Variants in SOAT1 observed in about 807,000 individuals in gnomAD.
The protein encoded by SOAT1 is sterol O-acyltransferase 1, also known as acyl-coenzyme A:cholesterol acyltransferase 1.
Under a neutral mutation model 69.5 loss-of-function variants are expected in SOAT1, and 55 were observed. The observed-to-expected ratio is 0.79, with a 90% CI of 0.64 to 0.99. SOAT1 has a LOEUF of 0.99. Among genes scored for constraint, SOAT1 ranks in the 50% least tolerant of loss-of-function variants. SOAT1 has a pLI of 0.00. For missense variants in SOAT1, 580 were observed against 669.3 expected, an observed-to-expected ratio of 0.87 and a Z score of 1.47; for synonymous variants, 231 against 224.7, an observed-to-expected ratio of 1.03 and a Z score of -0.25.
At chr1:179,344,826 T>C in intron 10 of SOAT1, 121 bp from the exon 11 acceptor site, 1 of 871,004 alleles carries the variant, frequency 1.1e-6, no homozygotes, top group Non-Finnish European at 1.9e-6. Context: ...TAGTGTTAAA[T>C]GGAATACATA....
Position 179,351,452 on chromosome 1 carries a change from C to T in SOAT1, c.1586C>T (p.Pro529Leu). The stretch of plus-strand genomic sequence containing the variant: ...GAATGGTATGCACGTCAGCACTGTC[C>T]TCTGAAAAATGTGAGTCACCAACCT... ...SQEWYARQHC[P>L]LKNPTFLDYV... Residue 529 changes from proline to leucine, a missense_variant, in exon 15 of 16, where the codon CCT becomes CTT. Pro to Leu is a moderately conservative substitution (Grantham distance 98). Transcript: ENST00000367619. The T allele has an allele frequency of 6.2e-7, 1 of 1,611,912 alleles. No homozygotes were observed. Among genetic ancestry groups the T allele is most frequent in the South Asian group, 1.1e-5 (1 of 90,456 alleles).
chr1:179,335,651 G>C lies in SOAT1; in HGVS notation c.323G>C (p.Arg108Thr). The change falls in exon 4 of 16, where the codon AGA becomes ACA. Residue 108 changes from arginine (R) to threonine (T), a missense_variant. By Grantham distance (71) the Arg-to-Thr change is moderately conservative. Transcript: ENST00000367619. ...SVLEGEKNNH[R>T]AKDLRAPPEQ... is the part of the protein sequence containing the mutation. ...CTTGAAGGAGAGAAAAACAACCATA[G>C]AGCGAAGTAAGTATGTGCTATTTTC... The C allele has an allele frequency of 6.2e-7, 1 of 1,611,660 alleles. No individual in the cohort carries two copies.
rs946387956 is a variant in SOAT1 at position 179,356,468 on chromosome 1, T to C, written c.*2827T>C. The C allele has an allele frequency of 2.8e-4, 35 of 124,538 alleles. No homozygotes were observed. Among genetic ancestry groups the C allele is most frequent in the African/African-American group, 8.6e-4 (31 of 36,226 alleles). 7.7% of individuals were successfully genotyped at this position (124,538 alleles called of 1,614,324 possible). ...TTAATTAGAAAACTGAGGCTGCCTT[T>C]TTTTTTTTTTTTTTTTTTTTTTAAG... is the stretch of plus-strand genomic sequence containing the variant. On this transcript the variant is annotated 3_prime_UTR_variant, in exon 16 of 16. Transcript: ENST00000367619.
In SOAT1 at chr1:179,343,995, C is replaced by T. The variant is rs115077902; in HGVS notation, c.987+360C>T. Among the ~76,000 whole-genome samples, 1,469 of 152,156 alleles carry T rather than the reference C, an allele frequency of 9.7e-3. 28 individuals are homozygous for T. The highest frequency in any genetic ancestry group is 0.034 in the African/African-American group (1,416 of 41,520). ...AATTAGCCTGGCGTGGAGGCACGTA[C>T]CTGTAATCTCAGCTACTCAGGAGGC... On this transcript the variant is annotated intron_variant, in intron 10 of 15. Transcript: ENST00000367619.
chr1:179,323,209 T>A (rs1452538119), intron 2 of SOAT1, among the ~76,000 whole-genome samples: 1 of 152,230 alleles, frequency 6.6e-6, no homozygotes, highest in Non-Finnish European at 1.5e-5. Flanking sequence ...TAGCATTGCA[T>A]AATTAACATC....
At chr1:179,313,836 G>T (rs1046862770) in intron 2 of SOAT1, among the ~76,000 whole-genome samples, 1 of 152,022 alleles carries the variant, frequency 6.6e-6, no homozygotes, top group Admixed American at 6.6e-5. Context: ...TGCCTGCCTC[G>T]GCCTCCCAAA....
At chr1:179,303,396 T>C (rs1345143134) in intron 2 of SOAT1, among the ~76,000 whole-genome samples, 2 of 152,212 alleles carry the variant, frequency 1.3e-5, no homozygotes, top group Non-Finnish European at 2.9e-5. Flanking sequence ...TTATGAATGA[T>C]AGACTTGTAA....
At chr1:179,295,658 C>T (rs1164623826) in intron 1 of SOAT1, among the ~76,000 whole-genome samples, 2 of 152,342 alleles carry the variant, frequency 1.3e-5, no homozygotes, top group East Asian at 3.9e-4. Context: ...CGAGAGATAC[C>T]ATGTTCAAGT....
At chr1:179,336,036 C>T (rs780810888) in intron 4 of SOAT1, among the ~76,000 whole-genome samples, 16 of 151,542 alleles carry the variant, frequency 1.1e-4, no homozygotes, top group South Asian at 4.2e-4. Flanking sequence ...TGGTGGCGGG[C>T]GTCTGTAATT....
chr1:179,305,085 C>T (rs1312377161), intron 2 of SOAT1, among the ~76,000 whole-genome samples: 8 of 143,068 alleles, frequency 5.6e-5, no homozygotes, highest in Admixed American at 5.3e-4. Context: ...TTTTATCACC[C>T]TGGAAAGGAG....
At position 179,342,856 on chromosome 1, in the gene SOAT1, T is replaced by C. The variant is rs200305190; in HGVS notation, c.860-6T>C. On this transcript the variant is annotated splice_region_variant and splice_polypyrimidine_tract_variant and intron_variant, in intron 8 of 15. Transcript: ENST00000367619. Reference sequence around the variant, plus strand: ...CTTTGCTCTAACTATAGTTTTCCTTTTCTAGGCACTGTTCCAATACCTACA... The same window carrying C: ...CTTTGCTCTAACTATAGTTTTCCTTCTCTAGGCACTGTTCCAATACCTACA... 5 of 1,609,176 alleles carry C rather than the reference T, an allele frequency of 3.1e-6. No homozygotes were observed. In the African/African-American group the frequency reaches 6.7e-5, roughly 21 times the overall value.
chr1:179,298,141 A>G (rs979482711), intron 1 of SOAT1, among the ~76,000 whole-genome samples: 10 of 131,410 alleles, frequency 7.6e-5, no homozygotes, highest in Non-Finnish European at 1.6e-4. Flanking sequence ...CTTGAGTGCA[A>G]TGGTGTGATT....
intron 1 of SOAT1, among the ~76,000 whole-genome samples, chr1:179,297,348 C>T (rs1479793417): frequency 6.6e-6 from 1 of 152,118 alleles, no homozygotes; most frequent in African/African-American, 2.4e-5. Flanking sequence ...CTTTTCTTTT[C>T]TTTTTTGAGA....
chr1:179,304,482 T>G (rs1376363069), intron 2 of SOAT1, among the ~76,000 whole-genome samples: 1 of 152,114 alleles, frequency 6.6e-6, no homozygotes, highest in Non-Finnish European at 1.5e-5. Flanking sequence ...TTTACTATGT[T>G]GGTCAGGCTG....
At chr1:179,335,716 A>T in intron 4 of SOAT1, 59 bp downstream of exon 4, 1 of 1,474,722 alleles carries the variant, frequency 6.8e-7, no homozygotes, top group South Asian at 1.4e-5. Context: ...TCAATGGTGA[A>T]AATGGACTGC....
At position 179,347,672 on chromosome 1, in the gene SOAT1, G is replaced by A. The variant is rs564980586; in HGVS notation, c.1190G>A (p.Arg397His). ...CWLNAFAEML[R>H]FGDRMFYKDW... ...CTCAATGCCTTTGCTGAGATGTTAC[G>A]CTTTGGTGACAGGATGTTCTATAAG... The change falls in exon 12 of 16, where the codon CGC (arginine) becomes CAC (histidine). Residue 397 changes from arginine (R) to histidine (H), a missense_variant. Coordinates refer to ENST00000367619, the MANE Select transcript of SOAT1 (RefSeq NM_003101.6). 9.3e-6 allele frequency: 15 copies of A among 1,611,492 alleles called. No homozygotes were observed. Among genetic ancestry groups the A allele is most frequent in the East Asian group, 4.5e-5 (2 of 44,814 alleles).
chr1:179,309,579 TA>T (rs1665149121), intron 2 of SOAT1, among the ~76,000 whole-genome samples: 2 of 152,198 alleles, frequency 1.3e-5, no homozygotes. Context: ...ACATATAGCA[TA>T]AATTTGTTCT....
intron 3 of SOAT1, among the ~76,000 whole-genome samples, chr1:179,330,469 C>T (rs576951580): frequency 4.6e-5 from 7 of 152,300 alleles, no homozygotes; most frequent in Admixed American, 1.3e-4. Flanking sequence ...GCTGTGCCTA[C>T]GTTTTAGCAG....
At chr1:179,352,886 G>A (rs1178958436) in intron 15 of SOAT1, among the ~76,000 whole-genome samples, 1 of 151,524 alleles carries the variant, frequency 6.6e-6, no homozygotes, top group African/African-American at 2.4e-5. Flanking sequence ...TGGTCACCTG[G>A]ATTCCACATG....
Sources: gnomAD v4.1 joint callset for allele counts (sites outside exome capture counted in the v4.1 genomes callset) on GRCh38, gnomAD v4.1.1 for gene constraint, MANE v1.5 for transcripts, NCBI Gene and HGNC (gene_info 2026-07-23, HGNC 2026-07-21) for gene names.